Variants in LIMCH1 observed in about 807,000 individuals in gnomAD.
LIMCH1 encodes the protein LIM and calponin homology domains 1, also known as LIM and calponin homology domains-containing protein 1.
LIMCH1 carries 113 observed loss-of-function variants against 176.5 expected under a neutral mutation model. The observed-to-expected ratio is 0.64, with a 90% CI of 0.55 to 0.75. The LOEUF is 0.75. LIMCH1 is among the 30% of genes least tolerant of loss of function. LIMCH1 has a pLI of 0.00. For synonymous variants in LIMCH1, 619 were observed against 645.9 expected (o/e 0.96, Z 0.63); for missense variants, 1,674 against 1,814.9 (o/e 0.92, Z 1.41).
At chr4:41,418,667 ACACT>A (rs2060154941) in intron 1 of LIMCH1, 2 of 152,190 alleles carry the variant, frequency 1.3e-5, no homozygotes. Context: ...GAACTTTCTC[ACACT>A]CACTGGCCCA....
chr4:41,527,563 T>C (rs1008879701), intron 3 of LIMCH1, among the ~76,000 whole-genome samples: 3 of 152,114 alleles, frequency 2.0e-5, no homozygotes, highest in African/African-American at 4.8e-5. Flanking sequence ...CCGGGCGTGG[T>C]GGTGGCTCAC....
chr4:41,458,773 CAA>C (rs779184137), intron 1 of LIMCH1, among the ~76,000 whole-genome samples: 13 of 53,448 alleles, frequency 2.4e-4, no homozygotes, highest in Admixed American at 3.6e-4. Context: ...ACTCTGTCAC[CAA>C]AAAAAAAAAA....
At chr4:41,556,173 T>C (rs1266776347) in intron 1 of LIMCH1, among the ~76,000 whole-genome samples, 7 of 151,842 alleles carry the variant, frequency 4.6e-5, no homozygotes, top group Non-Finnish European at 1.0e-4. Flanking sequence ...GGCGGGTGGA[T>C]CACCTGAGGT....
chr4:41,687,774 C>T (rs1315744474), intron 28 of LIMCH1, 66 bp from the exon 29 acceptor site: 5 of 964,250 alleles, frequency 5.2e-6, no homozygotes, highest in African/African-American at 3.3e-5. Flanking sequence ...TCTAAAATGT[C>T]TTTTTTTAAT....
chr4:41,436,306 A>G (rs1257428926), intron 1 of LIMCH1, among the ~76,000 whole-genome samples: 1 of 152,174 alleles, frequency 6.6e-6, no homozygotes, highest in Non-Finnish European at 1.5e-5. Flanking sequence ...TTGTCTGAAC[A>G]TGAGTATACC....
chr4:41,433,271 T>A (rs2061761109), intron 1 of LIMCH1, among the ~76,000 whole-genome samples: 1 of 152,214 alleles, frequency 6.6e-6, no homozygotes, highest in African/African-American at 2.4e-5. Flanking sequence ...GTCTTACTGC[T>A]GTGCTGTGTC....
intron 6 of LIMCH1, chr4:41,619,727 T>C: frequency 2.2e-6 from 1 of 448,168 alleles, no homozygotes; most frequent in Non-Finnish European, 4.0e-6. Flanking sequence ...AGAGCAAATC[T>C]GTCATCCTTG....
chr4:41,483,712 C>G (rs985735543), intron 1 of LIMCH1, among the ~76,000 whole-genome samples: 2 of 152,292 alleles, frequency 1.3e-5, no homozygotes, highest in Admixed American at 1.3e-4. Context: ...AACCTTTGTA[C>G]AGGTCTTTGT....
At chr4:41,659,931 TG>T (rs1402955969) in intron 18 of LIMCH1, among the ~76,000 whole-genome samples, 2 of 152,146 alleles carry the variant, frequency 1.3e-5, no homozygotes, top group Non-Finnish European at 1.5e-5. Context: ...ACATTGATTT[TG>T]TTTTCCAATT....
chr4:41,633,099 C>G lies in LIMCH1; in HGVS notation c.1829+14C>G. 1.3e-6 allele frequency: 2 copies of G among 1,504,926 alleles called. No individual in the cohort carries two copies. Among genetic ancestry groups the G allele is most frequent in the Non-Finnish European group, 1.8e-6 (2 of 1,119,900 alleles). 93.2% of individuals were successfully genotyped at this position (1,504,926 alleles called of 1,614,324 possible). A position where few individuals can be genotyped will look rare whatever the true frequency, so the allele number is the denominator to read the frequency against. On this transcript the variant is annotated intron_variant, in intron 12 of 31. Transcript: ENST00000503057. ...CAGCCAGCCACTGTGAGCATCTTGC[C>G]TGCGCTCTGCTCCGTGGTGTGTTGC...
chr4:41,398,497 T>TAG (rs1454910573), intron 1 of LIMCH1, among the ~76,000 whole-genome samples: 1 of 152,196 alleles, frequency 6.6e-6, no homozygotes. Flanking sequence ...TTTGTTCTTA[T>TAG]AGAGGCTAGG....
chr4:41,641,281 A>T (rs1026974198), intron 14 of LIMCH1, among the ~76,000 whole-genome samples: 1 of 151,710 alleles, frequency 6.6e-6, no homozygotes, highest in African/African-American at 2.4e-5. Flanking sequence ...CCAGACACAC[A>T]CCTCTTCATT....
At chr4:41,556,849 T>TA (rs1484102572) in intron 1 of LIMCH1, among the ~76,000 whole-genome samples, 4 of 152,124 alleles carry the variant, frequency 2.6e-5, no homozygotes, top group Non-Finnish European at 5.9e-5. Flanking sequence ...TTCTAAGAGA[T>TA]AAAATCATAT....
chr4:41,647,462 A>T lies in LIMCH1; in HGVS notation c.2820+569A>T, dbSNP rs1412414764. ...AGGTTTTTTAAACAAGTGGAAAGAAACTGGGTTGTTTTGCTAATGAGTGTG... is the reference window on the plus strand; with the variant it reads ...AGGTTTTTTAAACAAGTGGAAAGAATCTGGGTTGTTTTGCTAATGAGTGTG... On this transcript the variant is annotated intron_variant, in intron 17 of 31. Transcript: ENST00000503057. Among the ~76,000 whole-genome samples the T allele has an allele frequency of 2.0e-5, 3 of 152,234 alleles. No homozygotes were observed. In the South Asian group the frequency reaches 6.2e-4, roughly 32 times the overall value.
intron 2 of LIMCH1, among the ~76,000 whole-genome samples, chr4:41,522,335 T>G (rs2076203867): frequency 6.6e-6 from 1 of 152,168 alleles, no homozygotes; most frequent in Non-Finnish European, 1.5e-5. Context: ...TACTATATGC[T>G]ACACATATAT....
chr4:41,567,680 G>A (rs1157866205), intron 1 of LIMCH1, among the ~76,000 whole-genome samples: 1 of 152,202 alleles, frequency 6.6e-6, no homozygotes, highest in East Asian at 1.9e-4. Context: ...AGTTTGCCCA[G>A]TATTACCAAT....
At chr4:41,569,318 C>T (rs1184660797) in intron 1 of LIMCH1, among the ~76,000 whole-genome samples, 1 of 152,136 alleles carries the variant, frequency 6.6e-6, no homozygotes, top group Non-Finnish European at 1.5e-5. Flanking sequence ...AGGAAGAGCC[C>T]ACCATGCAGT....
chr4:41,651,377 A>G (rs751024362), intron 18 of LIMCH1, among the ~76,000 whole-genome samples: 1 of 152,146 alleles, frequency 6.6e-6, no homozygotes, highest in African/African-American at 2.4e-5. Flanking sequence ...ACCTCATCTT[A>G]ACTAATCACA....
chr4:41,461,586 T>G (rs74999508), intron 1 of LIMCH1, among the ~76,000 whole-genome samples: 3,703 of 152,306 alleles, frequency 0.024, 73 homozygotes, highest in Middle Eastern at 0.048. Context: ...GATAACTCCC[T>G]TAGGACATCT....
Sources: gnomAD v4.1 joint callset for allele counts (sites outside exome capture counted in the v4.1 genomes callset) on GRCh38, gnomAD v4.1.1 for gene constraint, MANE v1.5 for transcripts, NCBI Gene and HGNC (gene_info 2026-07-23, HGNC 2026-07-21) for gene names.